Variants in CDH11 observed in about 807,000 individuals in gnomAD.
CDH11 encodes cadherin-11.
CDH11 carries 11 observed loss-of-function variants against 67.8 expected under a neutral mutation model. The observed-to-expected ratio is 0.16, with a 90% CI of 0.10 to 0.27. CDH11 has a LOEUF of 0.27. CDH11 is among the 10% of genes least tolerant of loss of function. The pLI, the probability that CDH11 is intolerant of heterozygous loss-of-function variation, is 1.00. For synonymous variants in CDH11, 419 were observed against 400.0 expected, an observed-to-expected ratio of 1.05 and a Z score of -0.57; for missense variants, 847 against 1,031.2, an observed-to-expected ratio of 0.82 and a Z score of 2.45.
At chr16:65,010,325 C>T (rs955658323) in intron 2 of CDH11, among the ~76,000 whole-genome samples, 1 of 152,084 alleles carries the variant, frequency 6.6e-6, no homozygotes, top group African/African-American at 2.4e-5. Context: ...TTAATTCAAG[C>T]ATATTTTATT....
At chr16:65,118,039 C>T (rs561664507) in intron 1 of CDH11, among the ~76,000 whole-genome samples, 2 of 152,186 alleles carry the variant, frequency 1.3e-5, no homozygotes, top group African/African-American at 4.8e-5. Context: ...GCTTGAACCA[C>T]AGCTAGATTG....
At chr16:64,998,941 G>GCA (rs1414674082) in intron 3 of CDH11, 85 bp from the exon 4 acceptor site, 12 of 999,438 alleles carry the variant, frequency 1.2e-5, no homozygotes, top group Admixed American at 4.5e-5. Context: ...ACAATCTGCT[G>GCA]CGCACACACA....
chr16:65,068,411 CA>C (rs2074356659), intron 1 of CDH11, among the ~76,000 whole-genome samples: 1 of 19,294 alleles, frequency 5.2e-5, no homozygotes, highest in South Asian at 3.6e-3. Flanking sequence ...GATATGACTA[CA>C]GAAAAAAAAA....
At chr16:65,104,709 A>G (rs1483575265) in intron 1 of CDH11, among the ~76,000 whole-genome samples, 1 of 152,182 alleles carries the variant, frequency 6.6e-6, no homozygotes, top group Non-Finnish European at 1.5e-5. Flanking sequence ...GAAGGAGACA[A>G]TGAATGTGAA....
At chr16:65,081,997 C>T (rs1381402959) in intron 1 of CDH11, among the ~76,000 whole-genome samples, 1 of 152,164 alleles carries the variant, frequency 6.6e-6, no homozygotes, top group Non-Finnish European at 1.5e-5. Context: ...ACTGCTTCCC[C>T]AGTGCTATGG....
intron 8 of CDH11, among the ~76,000 whole-genome samples, chr16:64,974,105 T>C (rs1250332230): frequency 6.6e-6 from 1 of 152,186 alleles, no homozygotes; most frequent in African/African-American, 2.4e-5. Flanking sequence ...AGGTGGGAGA[T>C]GGCGGAAGAA....
intron 3 of CDH11, among the ~76,000 whole-genome samples, chr16:65,000,923 T>G (rs140379262): frequency 1.3e-4 from 18 of 133,420 alleles, no homozygotes; most frequent in African/African-American, 4.1e-4. Context: ...ATTTTCATAT[T>G]TTTGTTAAAA....
rs756157853 is a variant in CDH11, at chr16:64,971,647, G to A, written c.1574C>T (p.Pro525Leu). ...AGGGGGTAGGCTGAAGATAAATCTT[G>A]GTCCATTGGCCGTGTCATCCTTGTC... ...ADDKDDTANG[P>L]RFIFSLPPEI... Residue 525 changes from proline (P) to leucine (L), a missense_variant, in exon 11 of 13, where the codon CCA becomes CTA. Physicochemically the swap from Pro to Leu is moderately conservative, Grantham distance 98. Transcript: ENST00000268603. 2 of 1,613,560 alleles carry A rather than the reference G, an allele frequency of 1.2e-6. No homozygotes were observed. The highest frequency in any genetic ancestry group is 2.2e-5 in the South Asian group (2 of 90,964).
chr16:65,113,511 T>G (rs562339187), intron 1 of CDH11, among the ~76,000 whole-genome samples: 53 of 152,228 alleles, frequency 3.5e-4, no homozygotes, highest in African/African-American at 1.3e-3. Context: ...GAATTCTACT[T>G]GGTAAAATGG....
intron 7 of CDH11, 65 bp from the exon 8 acceptor site, chr16:64,982,366 G>A (rs1409413471): frequency 6.2e-6 from 8 of 1,293,824 alleles, no homozygotes; most frequent in African/African-American, 3.0e-5. Flanking sequence ...AGAAAGACCC[G>A]ATTGTTTTAT....
At position 64,945,472 on chromosome 16, in the gene CDH11, C is replaced by T. The variant is rs2071180775; in HGVS notation, c.*2131G>A. On this transcript the variant is annotated 3_prime_UTR_variant, in exon 13 of 13. Transcript: ENST00000268603. The stretch of plus-strand genomic sequence containing the variant: ...TCCATGGTGACAGGGTTACTTACAG[C>T]TGTATACTTATTTAAATGCTATTCA... The T allele has an allele frequency of 9.7e-7, 1 of 1,035,284 alleles. No homozygotes were observed. The highest frequency in any genetic ancestry group is 5.6e-5 in the Admixed American group (1 of 17,768). The allele number at this position is 1,035,284 out of a possible 1,614,324, so 64.1% of individuals were successfully genotyped here. A position where few individuals can be genotyped will look rare whatever the true frequency, so the allele number is the denominator to read the frequency against.
intron 1 of CDH11, among the ~76,000 whole-genome samples, chr16:65,083,490 G>A (rs1458110849): frequency 6.6e-6 from 1 of 152,224 alleles, no homozygotes; most frequent in African/African-American, 2.4e-5. Context: ...AGAAGGGTGT[G>A]TCCAAATAGC....
intron 1 of CDH11, among the ~76,000 whole-genome samples, chr16:65,114,345 G>A (rs1738927277): frequency 6.6e-6 from 1 of 152,140 alleles, no homozygotes; most frequent in South Asian, 2.1e-4. Context: ...GAGTGAAGGA[G>A]GCCCAGGCTT....
rs142993441 is a variant in CDH11, at chr16:65,019,574, T to C, written c.-172-14533A>G. Reference sequence around the variant, plus strand: ...TTTTAAATATAATATTATAAACACATTTATTCAAGTTTAATTCGTTTGACC... The same window carrying C: ...TTTTAAATATAATATTATAAACACACTTATTCAAGTTTAATTCGTTTGACC... On this transcript the variant is annotated intron_variant, in intron 2 of 12. Coordinates refer to ENST00000268603, the MANE Select transcript of CDH11 (RefSeq NM_001797.4). Among the ~76,000 whole-genome samples the C allele has an allele frequency of 3.8e-3, 586 of 152,228 alleles. 6 individuals carry two copies. The highest frequency in any genetic ancestry group is 0.013 in the African/African-American group (559 of 41,556).
chr16:65,040,449 G>C (rs181057316), intron 2 of CDH11, among the ~76,000 whole-genome samples: 1 of 151,716 alleles, frequency 6.6e-6, no homozygotes, highest in Non-Finnish European at 1.5e-5. Flanking sequence ...GCAAACTATC[G>C]CAAGGACAAA....
At chr16:64,951,281 G>T (rs1293670700) in intron 11 of CDH11, among the ~76,000 whole-genome samples, 1 of 152,174 alleles carries the variant, frequency 6.6e-6, no homozygotes, top group African/African-American at 2.4e-5. Flanking sequence ...ATGGGCAAGA[G>T]CAAAGCAGAA....
intron 1 of CDH11, among the ~76,000 whole-genome samples, chr16:65,108,219 G>A (rs1236122239): frequency 6.6e-6 from 1 of 152,172 alleles, no homozygotes; most frequent in Non-Finnish European, 1.5e-5. Context: ...CTTCAAAGAT[G>A]TGACTTCTCA....
At position 64,995,997 on chromosome 16, in the gene CDH11, G is replaced by A. The variant is rs76835415; in HGVS notation, c.523+2565C>T. On this transcript the variant is annotated intron_variant, in intron 4 of 12. Coordinates refer to ENST00000268603, the MANE Select transcript of CDH11 (RefSeq NM_001797.4). ...GCTTACAAATATAAAAAAATTGGTC[G>A]TCATTAAACATCAGAGAAATGTAAA... Among the ~76,000 whole-genome samples the A allele has an allele frequency of 5.3e-3, 802 of 152,206 alleles. 7 individuals are homozygous for A. The highest frequency in any genetic ancestry group is 0.016 in the African/African-American group (682 of 41,544).
At chr16:65,012,450 G>A (rs1424074195) in intron 2 of CDH11, among the ~76,000 whole-genome samples, 2 of 152,312 alleles carry the variant, frequency 1.3e-5, no homozygotes, top group South Asian at 4.1e-4. Flanking sequence ...AACTAAAATA[G>A]GAAGGTTACA....
Sources: gnomAD v4.1 joint callset for allele counts (sites outside exome capture counted in the v4.1 genomes callset) on GRCh38, gnomAD v4.1.1 for gene constraint, MANE v1.5 for transcripts, NCBI Gene and HGNC (gene_info 2026-07-23, HGNC 2026-07-21) for gene names.